PRKN: variants seen among roughly 807,000 people sequenced by gnomAD.
The protein encoded by PRKN is parkin RBR E3 ubiquitin protein ligase.
A neutral mutation model predicts 59.5 loss-of-function variants in PRKN; 56 were observed. That is an observed-to-expected ratio of 0.94 (90% CI 0.76 to 1.18). The LOEUF is 1.18. Among genes scored for constraint, PRKN ranks in the 50% most tolerant of loss-of-function variants. The pLI is 0.00. For missense variants in PRKN, 657 were observed against 596.4 expected, an observed-to-expected ratio of 1.10 and a Z score of -1.06; for synonymous variants, 250 against 222.1, an observed-to-expected ratio of 1.13 and a Z score of -1.12.
chr6:162,022,194 G>A (rs1292245092), intron 5 of PRKN, among the ~76,000 whole-genome samples: 3 of 152,060 alleles, frequency 2.0e-5, no homozygotes, highest in Non-Finnish European at 4.4e-5. Flanking sequence ...TTTCCTTTGG[G>A]TAGTTACCTA....
rs917749841 is a variant in PRKN at position 162,402,071 on chromosome 6, A to C, written c.171+41239T>G. Among the ~76,000 whole-genome samples, 44 of 151,990 alleles carry C rather than the reference A, an allele frequency of 2.9e-4. 1 individual carries two copies. The highest frequency in any genetic ancestry group is 1.7e-3 in the Admixed American group (26 of 15,248). On this transcript the variant is annotated intron_variant, in intron 2 of 11. Coordinates refer to ENST00000366898, the MANE Select transcript of PRKN (RefSeq NM_004562.3). Reference sequence around the variant, plus strand: ...TCAAGACCAGCCTGGCCGACATGGCAAAACCCAGTCTCTACCAAAAAACAA... The same window carrying C: ...TCAAGACCAGCCTGGCCGACATGGCCAAACCCAGTCTCTACCAAAAAACAA...
At chr6:162,202,202 AT>A (rs531309780) in intron 3 of PRKN, among the ~76,000 whole-genome samples, 52 of 151,422 alleles carry the variant, frequency 3.4e-4, no homozygotes, top group African/African-American at 5.3e-4. Context: ...GAGATAATAT[AT>A]TTTTTTTTAA....
intron 4 of PRKN, among the ~76,000 whole-genome samples, chr6:162,170,304 G>T (rs548898912): frequency 6.6e-6 from 1 of 152,184 alleles, no homozygotes; most frequent in African/African-American, 2.4e-5. Flanking sequence ...TGTACAAATG[G>T]GATTGCTCCG....
chr6:161,383,236 A>C (rs1786074435), intron 10 of PRKN, among the ~76,000 whole-genome samples: 1 of 152,204 alleles, frequency 6.6e-6, no homozygotes, highest in African/African-American at 2.4e-5. Flanking sequence ...ATGAAAATAA[A>C]AGCCCTTCAT....
At position 161,402,935 on chromosome 6, in the gene PRKN, G is replaced by T. The variant is rs12196495; in HGVS notation, c.1084-16058C>A. Among the ~76,000 whole-genome samples, 6,822 of 152,172 alleles carry T rather than the reference G, an allele frequency of 0.045. 195 individuals carry two copies. Among genetic ancestry groups the T allele is most frequent in the Admixed American group, 0.088 (1,337 of 15,272 alleles). ...CCGGCTGACACAATTCCCTGGGAGG[G>T]GATTCACGACAACTGAGATCCATCA... On this transcript the variant is annotated intron_variant, in intron 9 of 11. Coordinates refer to ENST00000366898, the MANE Select transcript of PRKN (RefSeq NM_004562.3). The surrounding 1 kb of genome is among the most constrained non-coding windows in gnomAD (Gnocchi z 4.5).
At chr6:162,053,866 G>A (rs915043604) in intron 5 of PRKN, among the ~76,000 whole-genome samples, 4 of 152,068 alleles carry the variant, frequency 2.6e-5, no homozygotes, top group African/African-American at 9.7e-5. Context: ...TTTCCACACG[G>A]TCCCCCCAAA....
At chr6:161,609,486 T>C (rs1386651011) in intron 7 of PRKN, among the ~76,000 whole-genome samples, 23 of 152,198 alleles carry the variant, frequency 1.5e-4, no homozygotes. Flanking sequence ...TCTATAGGAA[T>C]AAGGAAAGTG....
chr6:162,377,290 C>G (rs1432208015), intron 2 of PRKN, among the ~76,000 whole-genome samples: 1 of 152,174 alleles, frequency 6.6e-6, no homozygotes, highest in Non-Finnish European at 1.5e-5. Context: ...AATGTGCATA[C>G]AAATTCCATA....
chr6:161,625,094 C>G (rs1783036470), intron 7 of PRKN, among the ~76,000 whole-genome samples: 1 of 152,176 alleles, frequency 6.6e-6, no homozygotes, highest in South Asian at 2.1e-4. Context: ...TTTCAAGCTA[C>G]TATAAAGACA....
At chr6:162,470,726 C>T (rs1051017242) in intron 1 of PRKN, among the ~76,000 whole-genome samples, 3 of 152,060 alleles carry the variant, frequency 2.0e-5, no homozygotes, top group African/African-American at 7.3e-5. Flanking sequence ...GAGGCATTCA[C>T]ACTTTAATTT....
intron 1 of PRKN, among the ~76,000 whole-genome samples, chr6:162,675,525 G>A (rs983567193): frequency 1.1e-4 from 16 of 152,106 alleles, no homozygotes; most frequent in Non-Finnish European, 2.4e-4. Flanking sequence ...AGCATTTGAA[G>A]TCAGAAGGAA....
At chr6:161,841,105 A>C (rs1206812184) in intron 6 of PRKN, among the ~76,000 whole-genome samples, 1 of 152,244 alleles carries the variant, frequency 6.6e-6, no homozygotes. Context: ...TCTATGACAA[A>C]GACACATGCA....
Position 162,570,415 on chromosome 6 carries a change from T to C in PRKN, c.8-126942A>G, listed in dbSNP as rs150812160. ...GATTATTTTTTAGTTTTGAGGTTCC[T>C]CAAAAACTAAAAATTAAGCTACTAT... On this transcript the variant is annotated intron_variant, in intron 1 of 11. Transcript: ENST00000366898. Among the ~76,000 whole-genome samples, 373 of 152,302 alleles carry C rather than the reference T, an allele frequency of 2.4e-3. 2 individuals are homozygous for C. The highest frequency in any genetic ancestry group is 4.0e-3 in the Non-Finnish European group (275 of 68,016).
chr6:161,842,753 T>C (rs1793041398), intron 6 of PRKN, among the ~76,000 whole-genome samples: 1 of 152,064 alleles, frequency 6.6e-6, no homozygotes, highest in South Asian at 2.1e-4. Flanking sequence ...TTTCACTATG[T>C]TGGCCAGACT....
At chr6:162,070,144 G>A (rs1778514017) in intron 4 of PRKN, among the ~76,000 whole-genome samples, 1 of 152,206 alleles carries the variant, frequency 6.6e-6, no homozygotes, top group Admixed American at 6.5e-5. Context: ...TTGTTCATGT[G>A]TAACTGCAGA....
At chr6:161,742,149 T>C (rs1272469371) in intron 7 of PRKN, among the ~76,000 whole-genome samples, 1 of 152,038 alleles carries the variant, frequency 6.6e-6, no homozygotes, top group Non-Finnish European at 1.5e-5. Context: ...TTTGTATTTT[T>C]AGTAGAGACG....
chr6:162,595,501 C>CT (rs1781466815), intron 1 of PRKN, among the ~76,000 whole-genome samples: 2 of 152,074 alleles, frequency 1.3e-5, no homozygotes, highest in Non-Finnish European at 2.9e-5. Context: ...GGTGATCCAC[C>CT]TGCCGCAGCC....
chr6:162,660,688 C>T (rs1320299498), intron 1 of PRKN, among the ~76,000 whole-genome samples: 1 of 152,064 alleles, frequency 6.6e-6, no homozygotes, highest in Admixed American at 6.6e-5. Flanking sequence ...TCACTAGTAA[C>T]CCTCAAGATT....
chr6:162,011,341 A>G (rs1291592106), intron 5 of PRKN, among the ~76,000 whole-genome samples: 1 of 14,314 alleles, frequency 7.0e-5, no homozygotes, highest in Admixed American at 2.0e-3. Flanking sequence ...AATATATTAT[A>G]TATTATAATA....
Sources: allele counts gnomAD v4.1 joint callset (sites outside exome capture counted in the v4.1 genomes callset), GRCh38; gene constraint gnomAD v4.1.1; non-coding constraint Gnocchi (gnomAD v3.1); transcripts MANE v1.5; gene names NCBI Gene and HGNC (gene_info 2026-07-23, HGNC 2026-07-21).